The following MED15 variants were observed in gnomAD, a reference collection of about 807,000 sequenced individuals.
MED15 encodes the protein mediator of RNA polymerase II transcription subunit 15.
Under a neutral mutation model 118.7 loss-of-function variants are expected in MED15, and 41 were observed. The observed-to-expected ratio is 0.35, with a 90% CI of 0.27 to 0.45. The LOEUF (loss-of-function observed/expected upper bound fraction) is 0.45. Among genes scored for constraint, MED15 ranks in the 20% least tolerant of loss-of-function variants. The pLI, the probability that MED15 is intolerant of heterozygous loss-of-function variation, is 1.00. For synonymous variants in MED15, 436 were observed against 413.9 expected (o/e 1.05, Z -0.65); for missense variants, 740 against 1,025.5 (o/e 0.72, Z 3.80).
At chr22:20,511,988 C>CTTTTTTT (rs746240328) in intron 1 of MED15, among the ~76,000 whole-genome samples, 8,890 of 91,586 alleles carry the variant, frequency 0.097, 1,243 homozygotes, top group East Asian at 0.23. Context: ...ACATTCTAAG[C>CTTTTTTT]TTTTTTTTTT....
intron 1 of MED15, among the ~76,000 whole-genome samples, chr22:20,531,974 G>A (rs1324967347): frequency 6.6e-6 from 1 of 152,252 alleles, no homozygotes; most frequent in Non-Finnish European, 1.5e-5. Context: ...GCCCTGGGGA[G>A]AGTGTGTGGG....
In MED15 at chr22:20,554,978, C is replaced by T. The variant is rs1177461458; in HGVS notation, c.281C>T (p.Ala94Val). ...ALQSLTGGPA[A>V]GAAGIGMPPR... ...CAGAGCCTGACTGGCGGACCTGCTG[C>T]GGGAGCCGCTGGAATTGGCATGCCT... Residue 94 changes from alanine (A) to valine (V), a missense_variant, in exon 5 of 18, where the codon GCG (alanine) becomes GTG (valine). By Grantham distance (64) the Ala-to-Val change is moderately conservative (BLOSUM62 0). Around this residue, in one of 7 missense-constraint regions of MED15, gnomAD observed 117 missense variants for 124.6 expected, o/e 0.94. Coordinates refer to ENST00000263205, the MANE Select transcript of MED15 (RefSeq NM_001003891.3). 8 of 1,610,548 alleles carry T rather than the reference C, an allele frequency of 5.0e-6. No homozygotes were observed. Among genetic ancestry groups the T allele is most frequent in the Admixed American group, 1.7e-5 (1 of 60,012 alleles).
chr22:20,510,702 C>T (rs1399411792), intron 1 of MED15, among the ~76,000 whole-genome samples: 1 of 152,152 alleles, frequency 6.6e-6, no homozygotes, highest in South Asian at 2.1e-4. Context: ...CTCCCTCCAG[C>T]GAGGGCCAGT....
intron 1 of MED15, among the ~76,000 whole-genome samples, chr22:20,513,375 G>C (rs1005999739): frequency 2.0e-5 from 3 of 151,600 alleles, no homozygotes; most frequent in Non-Finnish European, 4.4e-5. Context: ...TGCCTCCCGG[G>C]TTCAAGCAGT....
intron 5 of MED15, among the ~76,000 whole-genome samples, chr22:20,556,519 C>G (rs1426367922): frequency 6.6e-6 from 1 of 152,058 alleles, no homozygotes; most frequent in Non-Finnish European, 1.5e-5. Context: ...AGGCTGGTCT[C>G]AAACTCCTGA....
At chr22:20,552,847 G>A (rs1364697836) in intron 3 of MED15, 2 of 388,788 alleles carry the variant, frequency 5.1e-6, no homozygotes, top group Non-Finnish European at 9.3e-6. Context: ...CTCTGGACCT[G>A]GGAAAAAGGA....
At chr22:20,546,615 C>A (rs1340904969) in intron 2 of MED15, among the ~76,000 whole-genome samples, 2 of 142,966 alleles carry the variant, frequency 1.4e-5, no homozygotes, top group African/African-American at 2.6e-5. Context: ...TTTTTCTGAT[C>A]TTTCCAGTCT....
chr22:20,525,909 A>C (rs1601476422), intron 1 of MED15, among the ~76,000 whole-genome samples: 2 of 151,480 alleles, frequency 1.3e-5, no homozygotes, highest in Middle Eastern at 3.4e-3. Context: ...TTTGTCATTT[A>C]ATTTTAATTT....
At chr22:20,562,697 A>G (rs1475596462) in intron 5 of MED15, among the ~76,000 whole-genome samples, 1 of 152,136 alleles carries the variant, frequency 6.6e-6, no homozygotes, top group Non-Finnish European at 1.5e-5. Flanking sequence ...TACATGTTTT[A>G]TGAATGTCAA....
At chr22:20,546,199 C>T (rs758907906) in intron 2 of MED15, among the ~76,000 whole-genome samples, 7 of 152,186 alleles carry the variant, frequency 4.6e-5, no homozygotes, top group Non-Finnish European at 7.3e-5. Flanking sequence ...TGCAGCCCTC[C>T]CCATGGGCTC....
At chr22:20,557,209 G>C (rs2056049469) in intron 5 of MED15, among the ~76,000 whole-genome samples, 1 of 152,124 alleles carries the variant, frequency 6.6e-6, no homozygotes, top group Admixed American at 6.5e-5. Flanking sequence ...CCCAGGCCAA[G>C]AGCTGGGATC....
chr22:20,545,866 G>T (rs917919047), intron 2 of MED15, among the ~76,000 whole-genome samples: 9 of 152,186 alleles, frequency 5.9e-5, no homozygotes, highest in Non-Finnish European at 1.2e-4. Flanking sequence ...TGAAAGCACA[G>T]AGGCGTCATA....
At chr22:20,574,853 A>G in intron 8 of MED15, 2 of 493,818 alleles carry the variant, frequency 4.1e-6, no homozygotes, top group Non-Finnish European at 7.4e-6. Flanking sequence ...ACACCAGTGC[A>G]GGAGAGCAAC....
At chr22:20,518,060 G>T (rs2054314457) in intron 1 of MED15, among the ~76,000 whole-genome samples, 1 of 80,972 alleles carries the variant, frequency 1.2e-5, no homozygotes, top group Non-Finnish European at 2.5e-5. Context: ...GATGGGCTCT[G>T]TGCTGCTGTT....
At chr22:20,533,017 G>A (rs970156690) in intron 1 of MED15, among the ~76,000 whole-genome samples, 2 of 152,142 alleles carry the variant, frequency 1.3e-5, no homozygotes, top group Non-Finnish European at 2.9e-5. Flanking sequence ...TTTGTTTTCA[G>A]GAGACAGAGA....
At chr22:20,560,553 G>A (rs756935330) in intron 5 of MED15, among the ~76,000 whole-genome samples, 1 of 152,112 alleles carries the variant, frequency 6.6e-6, no homozygotes, top group Non-Finnish European at 1.5e-5. Flanking sequence ...ATGAGCCTCC[G>A]CGCCTGGCCT....
rs2056525012 is a variant in MED15 at position 20,568,516 on chromosome 22, TC to T, written c.1042-4del. ...CCAAATCACATTCTCTCTTTCTCCC[TC>T]AAGGTCCGAGCTCCGATGGTGGTGC... On this transcript the variant is annotated splice_polypyrimidine_tract_variant and splice_region_variant and intron_variant, in intron 7 of 17. Transcript: ENST00000263205. 1 of 1,613,232 alleles carries T rather than the reference TC, an allele frequency of 6.2e-7. No homozygotes were observed. The highest frequency in any genetic ancestry group is 1.1e-5 in the South Asian group (1 of 91,018).
Position 20,586,677 on chromosome 22 carries a change from C to CCG in MED15, c.2341_2342insGC (p.His781ArgfsTer33). The CCG allele has an allele frequency of 6.2e-7, 1 of 1,612,786 alleles. No homozygotes were observed. Among genetic ancestry groups the CCG allele is most frequent in the Non-Finnish European group, 8.5e-7 (1 of 1,179,954 alleles). On this transcript the variant is annotated frameshift_variant, in exon 18 of 18. Coordinates refer to ENST00000263205, the MANE Select transcript of MED15 (RefSeq NM_001003891.3). LOFTEE classifies it high-confidence loss of function. ...TGCTCAACACCTGGGCCCAGAGCGT[C>CCG]CACCAGGCCTGCCTCTCAGCCGCCT...
At chr22:20,580,071 G>C (rs966008316) in intron 9 of MED15, among the ~76,000 whole-genome samples, 2 of 152,080 alleles carry the variant, frequency 1.3e-5, no homozygotes, top group African/African-American at 4.8e-5. Context: ...TGTGCTCTTG[G>C]AAATGAAAGG....
Sources: allele counts gnomAD v4.1 joint callset (sites outside exome capture counted in the v4.1 genomes callset), GRCh38; gene constraint gnomAD v4.1.1; regional missense constraint gnomAD v4.1.1; transcripts MANE v1.5; gene names NCBI Gene and HGNC (gene_info 2026-07-23, HGNC 2026-07-21).